RP1L1: variants seen among roughly 807,000 people sequenced by gnomAD.
RP1L1 encodes RP1 like 1, also known as retinitis pigmentosa 1-like 1 protein.
RP1L1 carries 27 observed loss-of-function variants against 15.7 expected under a neutral mutation model. The ratio of observed to expected loss-of-function variants is 1.72; its 90% CI spans 1.27 to 2.38. RP1L1 has a LOEUF of 2.38. Among genes scored for constraint, RP1L1 ranks in the 30% most tolerant of loss-of-function variants. RP1L1 has a pLI of 0.00. For missense variants in RP1L1, 4,798 were observed against 3,075.9 expected (o/e 1.56, Z -13.24); for synonymous variants, 1,813 against 1,276.7 (o/e 1.42, Z -8.96).
chr8:10,623,105 C>G lies in RP1L1; in HGVS notation c.97G>C (p.Ala33Pro). 3.1e-6 allele frequency: 5 copies of G among 1,613,484 alleles called. No individual in the cohort carries two copies. The highest frequency in any genetic ancestry group is 4.2e-6 in the Non-Finnish European group (5 of 1,179,698). Residue 33 changes from alanine to proline, a missense_variant, in exon 2 of 4, where the codon GCC becomes CCC. Coordinates refer to ENST00000382483, the MANE Select transcript of RP1L1 (RefSeq NM_178857.6). ...RTPSVTKVTP[A>P]KKITFLKRGD... Reference sequence around the variant, plus strand: ...CGCTTGAGGAAGGTGATCTTCTTGGCTGGCGTGACCTTGGTGACCGAGGGG... The same window carrying G: ...CGCTTGAGGAAGGTGATCTTCTTGGGTGGCGTGACCTTGGTGACCGAGGGG...
chr8:10,611,146 C>T lies in RP1L1; in HGVS notation c.2952G>A (p.Gly984=). ...ELADETTGAA[G]GGLRGPEVDP... ...CCACCTCGGGGCCTCTCAGGCCACC[C>T]CCAGCTGCACCTGTGGTCTCGTCCG... is the stretch of plus-strand genomic sequence containing the variant. The change falls in exon 4 of 4, where the codon GGG becomes GGA. Residue 984 remains glycine (G), a synonymous_variant. Coordinates refer to ENST00000382483, the MANE Select transcript of RP1L1 (RefSeq NM_178857.6). The T allele has an allele frequency of 6.2e-7, 1 of 1,612,946 alleles. No individual in the cohort carries two copies. Among genetic ancestry groups the T allele is most frequent in the Non-Finnish European group, 8.5e-7 (1 of 1,180,022 alleles).
intron 2 of RP1L1, among the ~76,000 whole-genome samples, chr8:10,621,981 A>G (rs114118006): frequency 7.9e-5 from 12 of 152,246 alleles, no homozygotes; most frequent in African/African-American, 2.9e-4. Context: ...TTTGTTTCCT[A>G]CACTGAACCC....
chr8:10,611,315 A>G lies in RP1L1; in HGVS notation c.2783T>C (p.Leu928Ser), dbSNP rs754322413. The change falls in exon 4 of 4, where the codon TTG becomes TCG. Residue 928 changes from leucine (L) to serine (S), a missense_variant. Transcript: ENST00000382483. ...GSRGLSEEKT[L>S]RSGGGPQGQE... The stretch of plus-strand genomic sequence containing the variant: ...CCCCTGGGGGCCTCCCCCACTCCTC[A>G]AGGTCTTCTCCTCGGACAGCCCCCG... 7 of 1,612,566 alleles carry G rather than the reference A, an allele frequency of 4.3e-6. No individual in the cohort carries two copies. In the South Asian group the frequency reaches 7.7e-5, roughly 18 times the overall value.
rs764660293 is a variant in RP1L1 at position 10,613,090 on chromosome 8, C to T, written c.1008G>A (p.Thr336=). ...TGCCCATCCTCCGGGACCATAGGAG[C>T]GTGTCCTCGCCGACCAGGTGGAAGC... ...KVRFHLVGED[T]LLWSRRMGRA... is the part of the protein sequence containing the mutation. The change falls in exon 4 of 4, where the codon ACG becomes ACA. Residue 336 remains threonine (T), a synonymous_variant. Coordinates refer to ENST00000382483, the MANE Select transcript of RP1L1 (RefSeq NM_178857.6). The T allele has an allele frequency of 1.7e-5, 27 of 1,613,754 alleles. No individual in the cohort carries two copies. The highest frequency in any genetic ancestry group is 2.0e-5 in the Non-Finnish European group (24 of 1,180,042).
chr8:10,622,128 C>A (rs534273145), intron 2 of RP1L1, among the ~76,000 whole-genome samples: 4 of 152,000 alleles, frequency 2.6e-5, no homozygotes, highest in East Asian at 3.9e-4. Context: ...TCAAGACCAG[C>A]CTGACCAACA....
intron 1 of RP1L1, among the ~76,000 whole-genome samples, chr8:10,648,566 C>T (rs1798513883): frequency 6.6e-6 from 1 of 152,140 alleles, no homozygotes; most frequent in Non-Finnish European, 1.5e-5. Context: ...TTAAAATAAA[C>T]ATCACGAGGA....
At chr8:10,653,459 A>AACACACAC (rs57172931) in intron 1 of RP1L1, among the ~76,000 whole-genome samples, 1,944 of 148,778 alleles carry the variant, frequency 0.013, 28 homozygotes, top group Non-Finnish European at 0.016. Context: ...GTCTCCCTCC[A>AACACACAC]ACACACACAC....
chr8:10,653,653 G>GCA (rs1324274203), intron 1 of RP1L1, among the ~76,000 whole-genome samples: 2 of 115,242 alleles, frequency 1.7e-5, no homozygotes, highest in Non-Finnish European at 4.2e-5. Context: ...ACCCACACAC[G>GCA]CATACACACA....
chr8:10,610,259 C>G lies in RP1L1; in HGVS notation c.3839G>C (p.Ser1280Thr). ...GTTCGAGCTCGCCCTCTGCTCCTCA[C>G]TGTCTCTTTCTGCTTCATCCTCATT... ...ATNEDEAERD[S>T]EEQRASSNLE... Residue 1280 changes from serine (S) to threonine (T), a missense_variant, in exon 4 of 4, where the codon AGT becomes ACT. Physicochemically the swap from Ser to Thr is moderately conservative, Grantham distance 58. Transcript: ENST00000382483. 1 of 1,614,190 alleles carries G rather than the reference C, an allele frequency of 6.2e-7. No homozygotes were observed. Among genetic ancestry groups the G allele is most frequent in the Non-Finnish European group, 8.5e-7 (1 of 1,180,046 alleles).
intron 2 of RP1L1, among the ~76,000 whole-genome samples, chr8:10,620,499 G>A (rs1287079486): frequency 6.6e-6 from 1 of 152,200 alleles, no homozygotes. Flanking sequence ...CCAACTACTT[G>A]GGAGGCTGAG....
chr8:10,646,611 G>A (rs992480011), intron 1 of RP1L1, among the ~76,000 whole-genome samples: 1 of 152,030 alleles, frequency 6.6e-6, no homozygotes, highest in African/African-American at 2.4e-5. Context: ...CTGTCCCCTA[G>A]GAAGTGGTGT....
intron 1 of RP1L1, among the ~76,000 whole-genome samples, chr8:10,650,659 A>G (rs1001282165): frequency 1.3e-5 from 2 of 151,792 alleles, no homozygotes; most frequent in Non-Finnish European, 1.5e-5. Flanking sequence ...CCAGGGTTCA[A>G]GTGATTCTTC....
intron 3 of RP1L1, 58 bp from the exon 4 acceptor site, chr8:10,613,404 C>A (rs1226140305): frequency 6.3e-7 from 1 of 1,594,830 alleles, no homozygotes; most frequent in Non-Finnish European, 8.5e-7. Context: ...ATGGGGGCAG[C>A]ATCAGGATAA....
chr8:10,609,552 G>T lies in RP1L1; in HGVS notation c.4546C>A (p.Pro1516Thr), dbSNP rs774741925. 8 of 1,604,566 alleles carry T rather than the reference G, an allele frequency of 5.0e-6. No individual in the cohort carries two copies. The Admixed American group carries it at 1.3e-4, about 27-fold the overall frequency. The change falls in exon 4 of 4, where the codon CCC becomes ACC. Residue 1516 changes from proline (P) to threonine (T), a missense_variant. Pro to Thr is a conservative substitution (Grantham distance 38, BLOSUM62 -1). Transcript: ENST00000382483. ...VACSAALDCDPIWVSVLLKKT... is the reference protein window; with the variant it reads ...VACSAALDCDTIWVSVLLKKT... ...TTCAGTAACACGGACACCCAGATGG[G>T]GTCGCAGTCCAGAGCCGCGCTGCAG...
Position 10,625,888 on chromosome 8 carries a change from T to G in RP1L1, c.-19-2668A>C, listed in dbSNP as rs1429898276. ...TCAGAGCCAGGGGAGGCTGAGTCAG[T>G]GCAGGTGGGGGGCAGGCAGCGAGGG... On this transcript the variant is annotated intron_variant, in intron 1 of 3. Coordinates refer to ENST00000382483, the MANE Select transcript of RP1L1 (RefSeq NM_178857.6). Among the ~76,000 whole-genome samples, 5 of 150,376 alleles carry G rather than the reference T, an allele frequency of 3.3e-5. No homozygotes were observed. In the East Asian group the frequency reaches 9.9e-4, roughly 30 times the overall value.
At chr8:10,624,809 G>A (rs1268162095) in intron 1 of RP1L1, among the ~76,000 whole-genome samples, 1 of 152,200 alleles carries the variant, frequency 6.6e-6, no homozygotes, top group Non-Finnish European at 1.5e-5. Context: ...AGTTCCACGA[G>A]CCGACAATTC....
rs777038067 is a variant in RP1L1, at chr8:10,611,419, G to A, written c.2679C>T (p.Arg893=). Residue 893 remains arginine, a synonymous_variant, in exon 4 of 4, where the codon CGC becomes CGT. Transcript: ENST00000382483. The part of the protein sequence containing the change: ...GPGGSPQEGT[R]QPGPTPSPGP... Reference sequence around the variant, plus strand: ...CTGGGGACGGCGTGGGGCCTGGCTGGCGTGTCCCCTCCTGCGGGCTCCCAC... The same window carrying A: ...CTGGGGACGGCGTGGGGCCTGGCTGACGTGTCCCCTCCTGCGGGCTCCCAC... 2 of 1,588,724 alleles carry A rather than the reference G, an allele frequency of 1.3e-6. No individual in the cohort carries two copies. Among genetic ancestry groups the A allele is most frequent in the East Asian group, 2.3e-5 (1 of 43,706 alleles).
At chr8:10,618,444 A>T (rs1798006460) in intron 2 of RP1L1, among the ~76,000 whole-genome samples, 1 of 152,152 alleles carries the variant, frequency 6.6e-6, no homozygotes, top group Non-Finnish European at 1.5e-5. Flanking sequence ...GAAGCGGAGG[A>T]TGCAGTGAGC....
intron 2 of RP1L1, among the ~76,000 whole-genome samples, chr8:10,620,943 CT>C (rs1278685035): frequency 6.6e-6 from 1 of 152,176 alleles, no homozygotes; most frequent in Non-Finnish European, 1.5e-5. Context: ...GCATAATCAG[CT>C]GCGGTGCTGG....
Sources: gnomAD v4.1 joint callset for allele counts (sites outside exome capture counted in the v4.1 genomes callset) on GRCh38, gnomAD v4.1.1 for gene constraint, MANE v1.5 for transcripts, NCBI Gene and HGNC (gene_info 2026-07-23, HGNC 2026-07-21) for gene names.